BRI3: variants seen among roughly 807,000 people sequenced by gnomAD.
BRI3 encodes membrane protein BRI3.
BRI3 carries 6 observed loss-of-function variants against 12.8 expected under a neutral mutation model. The ratio of observed to expected loss-of-function variants is 0.47; its 90% CI spans 0.26 to 0.93. The LOEUF is 0.93. Among genes scored for constraint, BRI3 ranks in the 40% least tolerant of loss-of-function variants. The pLI, the probability that BRI3 is intolerant of heterozygous loss-of-function variation, is 0.15. For missense variants in BRI3, 134 were observed against 171.1 expected, an observed-to-expected ratio of 0.78 and a Z score of 1.21; for synonymous variants, 91 against 76.1, an observed-to-expected ratio of 1.20 and a Z score of -1.02.
At chr7:98,283,285 G>T (rs1299705419) in intron 2 of BRI3, among the ~76,000 whole-genome samples, 1 of 152,148 alleles carries the variant, frequency 6.6e-6, no homozygotes, top group African/African-American at 2.4e-5. Flanking sequence ...TTTGGACTTA[G>T]ACTTGATTTC....
rs759942845 is a variant in BRI3, at chr7:98,291,227, G to C, written c.362G>C (p.Gly121Ala). 1.2e-6 allele frequency: 2 copies of C among 1,613,326 alleles called. No homozygotes were observed. Among genetic ancestry groups the C allele is most frequent in the Non-Finnish European group, 1.7e-6 (2 of 1,180,044 alleles). ...AGGAAGCGACGATGCCCCAACTGTG[G>C]AGCCACCTTCGCTTAAAGGGAACAC... ...ALRKRRCPNC[G>A]ATFA Residue 121 changes from glycine (G) to alanine (A), a missense_variant, in exon 3 of 3, where the codon GGA (glycine) becomes GCA (alanine). Gly to Ala is a moderately conservative substitution (Grantham distance 60). Transcript: ENST00000297290.
exon 2 of BRI3, chr7:98,308,041 G>A (rs775674781): frequency 1.2e-5 from 10 of 806,666 alleles, no homozygotes; most frequent in East Asian, 5.2e-5. Context: ...CTATTTCCTC[G>A]CTTTGATCAT....
chr7:98,320,372 G>A, the BRI3 span: 1 of 1,208,388 alleles, frequency 8.3e-7, no homozygotes, highest in Non-Finnish European at 1.2e-6. Context: ...TTTTTGCTCT[G>A]TCGCCCAGGC....
chr7:98,316,508 G>C, the BRI3 span, among the ~76,000 whole-genome samples: 1 of 152,124 alleles, frequency 6.6e-6, no homozygotes, highest in East Asian at 1.9e-4. Flanking sequence ...TCAGCTCTCA[G>C]TCAAAATGCT....
chr7:98,303,508 A>G (rs746641190), upstream of BRI3, among the ~76,000 whole-genome samples: 87 of 152,206 alleles, frequency 5.7e-4, no homozygotes, highest in Non-Finnish European at 1.1e-3. Flanking sequence ...CATGGCTTCT[A>G]GTGTCAGTGT....
downstream of BRI3, chr7:98,293,424 C>T (rs1800050501): frequency 2.5e-6 from 3 of 1,178,918 alleles, no homozygotes; most frequent in South Asian, 3.8e-5. Context: ...GGCCTCTCCA[C>T]TGAAGCTTCC....
At chr7:98,300,421 GTTGCAGTCCCTCCCCGCAATGCTT>G (rs1228555140) in intron 1 of BRI3, among the ~76,000 whole-genome samples, 1 of 152,230 alleles carries the variant, frequency 6.6e-6, no homozygotes, top group African/African-American at 2.4e-5. Flanking sequence ...GCGGGTGACA[GTTGCAGTCCCTCCCCGCAATGCTT>G]TTGCAGTCTG....
At chr7:98,282,061 C>A in intron 1 of BRI3, 124 bp downstream of exon 1, 1 of 1,287,376 alleles carries the variant, frequency 7.8e-7, no homozygotes, top group Non-Finnish European at 1.0e-6. Flanking sequence ...GGTCCCCGGG[C>A]TGGCTTCGGG....
At chr7:98,294,411 G>A (rs1048281451), downstream of BRI3, among the ~76,000 whole-genome samples, 6 of 152,248 alleles carry the variant, frequency 3.9e-5, no homozygotes, top group African/African-American at 7.2e-5. Context: ...AATAAGGCAA[G>A]AACAGAAAAC....
At chr7:98,322,279 T>C in the BRI3 span, among the ~76,000 whole-genome samples, 1 of 152,078 alleles carries the variant, frequency 6.6e-6, no homozygotes. Flanking sequence ...GACATCTGAG[T>C]CTGACACTGG....
downstream of BRI3, chr7:98,312,267 G>T: frequency 6.3e-7 from 1 of 1,598,624 alleles, no homozygotes; most frequent in Non-Finnish European, 8.5e-7. Context: ...TCTGCAGACT[G>T]CAAAGCCAAA....
upstream of BRI3, chr7:98,304,240 A>T (rs2269966): frequency 2.5e-3 from 4,014 of 1,612,968 alleles, 130 homozygotes; most frequent in East Asian, 0.074. Context: ...TTAAAGGTGG[A>T]TGTCGTCCTG....
chr7:98,310,503 A>G, downstream of BRI3: 1 of 1,607,490 alleles, frequency 6.2e-7, no homozygotes, highest in Admixed American at 1.7e-5. Flanking sequence ...TATTAAACAT[A>G]TCGATCAAGG....
exon 2 of BRI3, chr7:98,310,242 G>C: frequency 1.9e-6 from 1 of 535,138 alleles, no homozygotes; most frequent in Non-Finnish European, 3.2e-6. Context: ...TCAGAGAAAT[G>C]TATCACTTAT....
the BRI3 span, among the ~76,000 whole-genome samples, chr7:98,320,495 T>G: frequency 6.6e-6 from 1 of 152,166 alleles, no homozygotes; most frequent in Non-Finnish European, 1.5e-5. Context: ...TCACCATGCC[T>G]GGCTAACTTT....
chr7:98,282,069 G>T, intron 1 of BRI3, 132 bp downstream of exon 1: 1 of 1,249,324 alleles, frequency 8.0e-7, no homozygotes, highest in Non-Finnish European at 1.0e-6. Flanking sequence ...GGCTGGCTTC[G>T]GGACCCGGCG....
downstream of BRI3, chr7:98,292,683 G>C: frequency 6.4e-7 from 1 of 1,551,586 alleles, no homozygotes; most frequent in Admixed American, 2.0e-5. Flanking sequence ...TTGAGAGTCT[G>C]TACCTGATTC....
At chr7:98,314,244 A>G (rs1048572251), downstream of BRI3, among the ~76,000 whole-genome samples, 4 of 152,060 alleles carry the variant, frequency 2.6e-5, no homozygotes, top group African/African-American at 7.2e-5. Flanking sequence ...TGGTCTCCCA[A>G]AGTGCTGGGA....
At chr7:98,295,567 G>A (rs930102738), downstream of BRI3, among the ~76,000 whole-genome samples, 3 of 152,116 alleles carry the variant, frequency 2.0e-5, no homozygotes, top group South Asian at 2.1e-4. Flanking sequence ...GCTGGCATTC[G>A]TGGACTCTGT....
Sources: gnomAD v4.1 joint callset for allele counts (sites outside exome capture counted in the v4.1 genomes callset) on GRCh38, gnomAD v4.1.1 for gene constraint, MANE v1.5 for transcripts, NCBI Gene and HGNC (gene_info 2026-07-23, HGNC 2026-07-21) for gene names.